LGI2: variants seen among roughly 807,000 people sequenced by gnomAD.
LGI2 encodes leucine rich repeat LGI family member 2.
A neutral mutation model predicts 52.0 loss-of-function variants in LGI2; 30 were observed. The observed-to-expected ratio is 0.58, with a 90% CI of 0.43 to 0.78. The LOEUF (loss-of-function observed/expected upper bound fraction) is 0.78. LGI2 is among the 30% of genes least tolerant of loss of function. LGI2 has a pLI of 0.00. For missense variants in LGI2, 573 were observed against 692.5 expected, an observed-to-expected ratio of 0.83 and a Z score of 1.94; for synonymous variants, 270 against 271.8, an observed-to-expected ratio of 0.99 and a Z score of 0.06.
chr4:25,006,280 C>T (rs1464555769), intron 7 of LGI2, among the ~76,000 whole-genome samples: 2 of 152,182 alleles, frequency 1.3e-5, no homozygotes, highest in Non-Finnish European at 2.9e-5. Context: ...CCAGACCTCC[C>T]CATTCCAGAA....
Position 25,019,204 on chromosome 4 carries a change from T to C in LGI2, c.448A>G (p.Arg150Gly). The change falls in exon 5 of 8, where the codon AGG becomes GGG. Residue 150 changes from arginine (R) to glycine (G), a missense_variant. Physicochemically the swap from Arg to Gly is moderately radical, Grantham distance 125. Transcript: ENST00000382114. ...LANNHIKALP[R>G]DVFSDLDSLI... ...GAGTCTAAATCACTGAAGACATCCC[T>C]TGGTAGTGCTTTTATGTGGTTATTG... 1 of 1,609,532 alleles carries C rather than the reference T, an allele frequency of 6.2e-7. No homozygotes were observed. The highest frequency in any genetic ancestry group is 1.1e-5 in the South Asian group (1 of 90,288).
Position 25,030,516 on chromosome 4 carries a change from G to A in LGI2, c.178C>T (p.Pro60Ser), listed in dbSNP as rs1275350998. Reference protein sequence around the residue: ...VGSSWVPRIVPGDISSLSLVN... With the variant: ...VGSSWVPRIVSGDISSLSLVN... ...ACTCACAGGGAGCTGATGTCGCCCG[G>A]CACGATCCTGGGCACCCAGGAAGAG... Residue 60 changes from proline to serine, a missense_variant, in exon 1 of 8, where the codon CCG becomes TCG. Transcript: ENST00000382114. 3.8e-6 allele frequency: 6 copies of A among 1,593,658 alleles called. No homozygotes were observed. The South Asian group carries it at 5.7e-5, about 15-fold the overall frequency.
intron 3 of LGI2, among the ~76,000 whole-genome samples, chr4:25,026,547 C>T (rs559820123): frequency 6.6e-6 from 1 of 152,254 alleles, no homozygotes; most frequent in South Asian, 2.1e-4. Context: ...TCAGCAAATC[C>T]ATGCCTATTT....
Position 25,012,463 on chromosome 4 carries a change from A to G in LGI2, c.692T>C (p.Val231Ala). Reference sequence around the variant, plus strand: ...CTTGGAGTTGAACGTATCCACTGAAACCGACTGGTAGGGTAAAGTCTGATG... The same window carrying G: ...CTTGGAGTTGAACGTATCCACTGAAGCCGACTGGTAGGGTAAAGTCTGATG... Reference protein sequence around the residue: ...VVHQTLPYQSVSVDTFNSKND... With the variant: ...VVHQTLPYQSASVDTFNSKND... The change falls in exon 7 of 8, where the codon GTT (valine) becomes GCT (alanine). Residue 231 changes from valine (V) to alanine (A), a missense_variant. Coordinates refer to ENST00000382114, the MANE Select transcript of LGI2 (RefSeq NM_018176.4). 1.2e-6 allele frequency: 2 copies of G among 1,614,166 alleles called. No homozygotes were observed. The highest frequency in any genetic ancestry group is 1.7e-6 in the Non-Finnish European group (2 of 1,180,014).
In LGI2 at chr4:25,016,700, C is replaced by T. The variant is rs181314574; in HGVS notation, c.655+1289G>A. Reference sequence around the variant, plus strand: ...CAAAGATACCTAGAAATGATCTTTACTTTCTGGGTTTTTGTTTATTTGTTG... The same window carrying T: ...CAAAGATACCTAGAAATGATCTTTATTTTCTGGGTTTTTGTTTATTTGTTG... On this transcript the variant is annotated intron_variant, in intron 6 of 7. Coordinates refer to ENST00000382114, the MANE Select transcript of LGI2 (RefSeq NM_018176.4). Among the ~76,000 whole-genome samples the T allele has an allele frequency of 7.2e-4, 109 of 152,242 alleles. 2 individuals carry two copies. The East Asian group carries it at 0.018, about 26-fold the overall frequency.
downstream of LGI2, among the ~76,000 whole-genome samples, chr4:24,995,824 T>C (rs1725059270): frequency 6.6e-6 from 1 of 152,184 alleles, no homozygotes. Context: ...AGAAGAATAT[T>C]AAAACCTATT....
At chr4:25,016,074 T>C (rs574968983) in intron 6 of LGI2, among the ~76,000 whole-genome samples, 2 of 152,344 alleles carry the variant, frequency 1.3e-5, no homozygotes, top group Non-Finnish European at 2.9e-5. Flanking sequence ...TAAGGCCTCT[T>C]GCTACTCCAT....
chr4:25,004,134 CTA>C lies in LGI2; in HGVS notation c.953_954del (p.Ile318ArgfsTer10). On this transcript the variant is annotated frameshift_variant, in exon 8 of 8. Coordinates refer to ENST00000382114, the MANE Select transcript of LGI2 (RefSeq NM_018176.4). LOFTEE classifies it high-confidence loss of function. This position sits in a 1 kb window ranked among gnomAD's most constrained non-coding sequence, Gnocchi z 4.6. ...SWTKFVKFQD[I>X]EVSRISKPND... ...TTGGGCTTGGAAATGCGAGAGACCT[CTA>C]TGTCTTGGAATTTGACAAATTTGGT... 1.2e-6 allele frequency: 2 copies of C among 1,614,156 alleles called. No individual in the cohort carries two copies. The highest frequency in any genetic ancestry group is 2.2e-5 in the East Asian group (1 of 44,886).
At position 25,003,442 on chromosome 4, in the gene LGI2, A is replaced by G; in HGVS notation, c.*9T>C. The G allele has an allele frequency of 1.9e-6, 3 of 1,552,798 alleles. No individual in the cohort carries two copies. Among genetic ancestry groups the G allele is most frequent in the Non-Finnish European group, 2.6e-6 (3 of 1,149,992 alleles). On this transcript the variant is annotated 3_prime_UTR_variant, in exon 8 of 8. Transcript: ENST00000382114. The stretch of plus-strand genomic sequence containing the variant: ...TGCTACATTTCTCTTAGTTTCACCC[A>G]CCACACCTTCACAAACTTAAGTCAA...
chr4:25,016,996 T>G (rs922649261), intron 6 of LGI2, among the ~76,000 whole-genome samples: 2 of 152,184 alleles, frequency 1.3e-5, no homozygotes, highest in Non-Finnish European at 2.9e-5. Flanking sequence ...CACCAATACC[T>G]TTGGCCCCAT....
At chr4:25,026,795 C>G (rs751760604) in intron 3 of LGI2, 73 bp downstream of exon 3, 7 of 1,201,180 alleles carry the variant, frequency 5.8e-6, no homozygotes, top group Non-Finnish European at 8.7e-6. Context: ...GATGCTGTTC[C>G]AGCACAGAAA....
At chr4:24,996,760 G>A (rs1725095964), downstream of LGI2, among the ~76,000 whole-genome samples, 1 of 152,120 alleles carries the variant, frequency 6.6e-6, no homozygotes. Flanking sequence ...GTGATGGATG[G>A]TGTGAGGTAA....
chr4:25,030,135 C>T (rs556460504), intron 1 of LGI2, among the ~76,000 whole-genome samples: 1 of 152,274 alleles, frequency 6.6e-6, no homozygotes, highest in Admixed American at 6.5e-5. Context: ...CTTTAATGCA[C>T]CCTTGAGTCT....
At chr4:25,022,903 C>G (rs538842329) in intron 4 of LGI2, among the ~76,000 whole-genome samples, 2 of 152,336 alleles carry the variant, frequency 1.3e-5, no homozygotes, top group East Asian at 3.9e-4. Context: ...GCCCTAATTC[C>G]TGACTTCTGG....
intron 7 of LGI2, among the ~76,000 whole-genome samples, chr4:25,006,895 A>C (rs1725406544): frequency 1.3e-5 from 2 of 152,246 alleles, no homozygotes; most frequent in Admixed American, 1.3e-4. Flanking sequence ...CCAAAGAATC[A>C]AAAAGCACAA....
intron 7 of LGI2, among the ~76,000 whole-genome samples, chr4:25,008,781 A>G (rs866669067): frequency 6.6e-6 from 1 of 152,116 alleles, no homozygotes; most frequent in African/African-American, 2.4e-5. Context: ...TGGTGGTAAA[A>G]AGAGGAGCCG....
At chr4:25,015,528 G>GA (rs1328849272) in intron 6 of LGI2, among the ~76,000 whole-genome samples, 4 of 152,220 alleles carry the variant, frequency 2.6e-5, no homozygotes, top group African/African-American at 9.6e-5. Context: ...CTCTCTCTGG[G>GA]AAAAAACAGT....
intron 4 of LGI2, 105 bp downstream of exon 4, chr4:25,024,715 A>G (rs1363885080): frequency 1.4e-6 from 1 of 721,606 alleles, no homozygotes; most frequent in African/African-American, 1.8e-5. Context: ...TAATCTAGAA[A>G]TTCATTTCCT....
chr4:25,024,961 A>G, intron 3 of LGI2, 70 bp from the exon 4 acceptor site: 1 of 1,003,844 alleles, frequency 1.0e-6, no homozygotes. Context: ...TATGTTGGTA[A>G]GCTTTCAGAA....
Sources: gnomAD v4.1 joint callset for allele counts (sites outside exome capture counted in the v4.1 genomes callset) on GRCh38, gnomAD v4.1.1 for gene constraint, Gnocchi (gnomAD v3.1) non-coding constraint, MANE v1.5 for transcripts, NCBI Gene and HGNC (gene_info 2026-07-23, HGNC 2026-07-21) for gene names.